The following FBXO42 variants were observed in gnomAD, a reference collection of about 807,000 sequenced individuals.
FBXO42 encodes F-box protein 42.
Under a neutral mutation model 71.7 loss-of-function variants are expected in FBXO42, and 12 were observed. The observed-to-expected ratio is 0.17, with a 90% confidence interval of 0.11 to 0.27. The LOEUF (loss-of-function observed/expected upper bound fraction) is 0.27. FBXO42 is among the 10% of genes least tolerant of loss of function. The pLI is 1.00. For missense variants in FBXO42, 707 were observed against 911.9 expected, an observed-to-expected ratio of 0.78 and a Z score of 2.89; for synonymous variants, 325 against 327.5, an observed-to-expected ratio of 0.99 and a Z score of 0.08.
intron 4 of FBXO42, among the ~76,000 whole-genome samples, chr1:16,290,967 A>T (rs1187979421): frequency 6.6e-6 from 1 of 152,224 alleles, no homozygotes; most frequent in East Asian, 1.9e-4. Flanking sequence ...CCAAATACAC[A>T]TGTAAAAAGA....
At chr1:16,267,121 G>A (rs2100463156) in intron 4 of FBXO42, among the ~76,000 whole-genome samples, 1 of 152,206 alleles carries the variant, frequency 6.6e-6, no homozygotes, top group Non-Finnish European at 1.5e-5. Flanking sequence ...CAACTATTTG[G>A]AATGGTCTCC....
At chr1:16,348,682 T>C (rs775302171) in intron 1 of FBXO42, among the ~76,000 whole-genome samples, 10 of 152,020 alleles carry the variant, frequency 6.6e-5, no homozygotes, top group African/African-American at 1.2e-4. Context: ...GCCTAGGCGA[T>C]AGAGCAAGAC....
chr1:16,256,026 G>C (rs769534980), intron 5 of FBXO42, among the ~76,000 whole-genome samples: 4 of 152,144 alleles, frequency 2.6e-5, no homozygotes, highest in African/African-American at 7.2e-5. Context: ...GAATGTAAAC[G>C]GTCTGGAGGG....
intron 6 of FBXO42, among the ~76,000 whole-genome samples, chr1:16,255,362 T>A (rs576490494): frequency 6.7e-6 from 1 of 149,990 alleles, no homozygotes; most frequent in Non-Finnish European, 1.5e-5. Flanking sequence ...TCCTTAAGAG[T>A]CTCGATCTGT....
intron 4 of FBXO42, among the ~76,000 whole-genome samples, chr1:16,260,519 G>A (rs937742022): frequency 9.2e-5 from 14 of 151,876 alleles, no homozygotes; most frequent in African/African-American, 3.1e-4. Context: ...CAATTACTAT[G>A]CAGCTTTTTA....
chr1:16,255,847 C>A, intron 5 of FBXO42, 26 bp from the exon 6 acceptor site: 1 of 1,553,750 alleles, frequency 6.4e-7, no homozygotes, highest in South Asian at 1.1e-5. Flanking sequence ...AGGAGGAAGT[C>A]AAGAAGTCAG....
At chr1:16,267,627 C>G (rs912529424) in intron 4 of FBXO42, among the ~76,000 whole-genome samples, 2 of 152,150 alleles carry the variant, frequency 1.3e-5, no homozygotes, top group Non-Finnish European at 2.9e-5. Context: ...TTTTTTGGGT[C>G]TCCCCCTCTA....
At position 16,324,743 on chromosome 1, in the gene FBXO42, G is replaced by A. The variant is rs186810223; in HGVS notation, c.-17-9308C>T. Among the ~76,000 whole-genome samples the A allele has an allele frequency of 2.0e-4, 31 of 152,326 alleles. No individual in the cohort carries two copies. In the East Asian group the frequency reaches 5.6e-3, roughly 27 times the overall value. ...AGGTGCGAGCATCGCTTGAGCCCAG[G>A]AGTTAGATGCTGCAGTGAGCCAAGA... On this transcript the variant is annotated intron_variant, in intron 1 of 9. Transcript: ENST00000375592.
intron 1 of FBXO42, 80 bp downstream of exon 1, chr1:16,352,175 C>T (rs1037045445): frequency 1.3e-5 from 5 of 392,120 alleles, no homozygotes; most frequent in African/African-American, 1.0e-4. Context: ...CGGGCGCCCG[C>T]TGCCCCTTGC....
chr1:16,297,690 A>G (rs943368949), intron 3 of FBXO42, among the ~76,000 whole-genome samples: 8 of 149,114 alleles, frequency 5.4e-5, no homozygotes, highest in African/African-American at 1.7e-4. Flanking sequence ...TGGAAACCCC[A>G]TCTCTACTAA....
At chr1:16,299,682 T>G (rs2082169982) in intron 3 of FBXO42, among the ~76,000 whole-genome samples, 1 of 152,182 alleles carries the variant, frequency 6.6e-6, no homozygotes, top group Non-Finnish European at 1.5e-5. Context: ...TCTCGCTCTG[T>G]CACCCAGGCT....
intron 4 of FBXO42, 65 bp from the exon 5 acceptor site, chr1:16,256,824 T>A (rs2081651248): frequency 1.3e-6 from 2 of 1,544,440 alleles, no homozygotes; most frequent in East Asian, 2.3e-5. Context: ...AGTTAGGCTA[T>A]CCATAGATCA....
At position 16,321,870 on chromosome 1, in the gene FBXO42, T is replaced by A. The variant is rs900596578; in HGVS notation, c.-17-6435A>T. Among the ~76,000 whole-genome samples, 3 of 152,270 alleles carry A rather than the reference T, an allele frequency of 2.0e-5. No homozygotes were observed. In the East Asian group the frequency reaches 5.8e-4, roughly 29 times the overall value. Reference sequence around the variant, plus strand: ...ACTGTGCCCAGTAGTTATTTTATAATAGAAATTACATCATTAGGCCAGGCG... The same window carrying A: ...ACTGTGCCCAGTAGTTATTTTATAAAAGAAATTACATCATTAGGCCAGGCG... On this transcript the variant is annotated intron_variant, in intron 1 of 9. Transcript: ENST00000375592.
chr1:16,294,183 G>A (rs2082106574), intron 4 of FBXO42: 1 of 152,360 alleles, frequency 6.6e-6, no homozygotes, highest in Admixed American at 6.5e-5. Context: ...CCTGCCTCAT[G>A]AGTGCAAAAA....
intron 1 of FBXO42, among the ~76,000 whole-genome samples, chr1:16,333,724 G>A (rs936543446): frequency 1.3e-5 from 2 of 152,170 alleles, no homozygotes; most frequent in African/African-American, 2.4e-5. Flanking sequence ...TTGCTTTAAG[G>A]AAAATATGCC....
rs2081543794 is a variant in FBXO42, at chr1:16,247,291, C to T, written c.*3379G>A. ...GGCGTGGTTAGATCCTCCCCACTGA[C>T]TTGTGCGCTGGTAAGAGACCATGGA... On this transcript the variant is annotated 3_prime_UTR_variant, in exon 10 of 10. Transcript: ENST00000375592. 6.6e-6 allele frequency: 1 copy of T among 152,294 alleles called. No homozygotes were observed. Among genetic ancestry groups the T allele is most frequent in the Admixed American group, 6.5e-5 (1 of 15,272 alleles). The allele number at this position is 152,294 out of a possible 1,614,324, so 9.4% of individuals were successfully genotyped here.
chr1:16,331,217 T>C (rs1188883759), intron 1 of FBXO42, among the ~76,000 whole-genome samples: 5 of 142,150 alleles, frequency 3.5e-5, no homozygotes, highest in Non-Finnish European at 3.0e-5. Context: ...TTCAAGACCA[T>C]CCTGGCTAAC....
At chr1:16,266,843 T>A (rs12736225) in intron 4 of FBXO42, among the ~76,000 whole-genome samples, 41,500 of 152,114 alleles carry the variant, frequency 0.27, 6,553 homozygotes, top group Non-Finnish European at 0.37. Context: ...ATTACCATCA[T>A]AATCAGAAAA....
chr1:16,327,159 C>T lies in FBXO42; in HGVS notation c.-17-11724G>A, dbSNP rs1228386750. On this transcript the variant is annotated intron_variant, in intron 1 of 9. Coordinates refer to ENST00000375592, the MANE Select transcript of FBXO42 (RefSeq NM_018994.3). Reference sequence around the variant, plus strand: ...ATATCGGTACTTTTTTGATGAAGATCATAAAGTACCTTACTGACGAGGGAT... The same window carrying T: ...ATATCGGTACTTTTTTGATGAAGATTATAAAGTACCTTACTGACGAGGGAT... Among the ~76,000 whole-genome samples the T allele has an allele frequency of 2.0e-5, 3 of 152,134 alleles. No homozygotes were observed. The East Asian group carries it at 5.8e-4, about 29-fold the overall frequency.
Sources: gnomAD v4.1 joint callset for allele counts (sites outside exome capture counted in the v4.1 genomes callset) on GRCh38, gnomAD v4.1.1 for gene constraint, MANE v1.5 for transcripts, NCBI Gene and HGNC (gene_info 2026-07-23, HGNC 2026-07-21) for gene names.